Variants in ESR1 observed in about 807,000 individuals in gnomAD.
ESR1 encodes the protein estrogen receptor 1, also known as estrogen receptor.
Under a neutral mutation model 52.7 loss-of-function variants are expected in ESR1, and 12 were observed. The observed-to-expected ratio is 0.23, with a 90% CI of 0.15 to 0.37. The LOEUF is 0.37. ESR1 is among the 10% of genes least tolerant of loss of function. The pLI is 1.00. For synonymous variants in ESR1, 305 were observed against 316.8 expected, an observed-to-expected ratio of 0.96 and a Z score of 0.39; for missense variants, 584 against 779.7, an observed-to-expected ratio of 0.75 and a Z score of 2.99.
At chr6:151,928,019 C>T (rs532766245) in intron 3 of ESR1, among the ~76,000 whole-genome samples, 6 of 152,144 alleles carry the variant, frequency 3.9e-5, no homozygotes, top group South Asian at 4.2e-4. Context: ...CCACCGTGCC[C>T]GGCTTCTTTT....
Position 151,681,227 on chromosome 6 carries a change from A to C in ESR1, n.74-20648A>C, listed in dbSNP as rs146355230. 8.3e-3 allele frequency among the ~76,000 whole-genome samples: 1,260 copies of C among 152,262 alleles called. 8 individuals are homozygous for C. The highest frequency in any genetic ancestry group is 0.011 in the Non-Finnish European group (771 of 68,016). ...TTGCACATCCCTGTGAATGATTCTT[A>C]ATTATATTTCTGGCTGGCTCTGTGC... On this transcript the variant is annotated intron_variant and non_coding_transcript_variant, in intron 1 of 2. Coordinates refer to the ESR1 transcript ENST00000473497.
chr6:151,763,006 G>T (rs866601077), intron 2 of ESR1, among the ~76,000 whole-genome samples: 15 of 151,396 alleles, frequency 9.9e-5, no homozygotes, highest in African/African-American at 3.4e-4. Flanking sequence ...ATATAAAGAT[G>T]TAATTTTTAT....
At chr6:152,049,885 C>G (rs1489053913) in intron 5 of ESR1, among the ~76,000 whole-genome samples, 1 of 152,176 alleles carries the variant, frequency 6.6e-6, no homozygotes, top group Non-Finnish European at 1.5e-5. Flanking sequence ...CAAGGCAGGT[C>G]TCTGAAGGAG....
At chr6:151,890,622 C>T (rs751959803) in intron 3 of ESR1, among the ~76,000 whole-genome samples, 2 of 152,118 alleles carry the variant, frequency 1.3e-5, no homozygotes, top group Non-Finnish European at 2.9e-5. Context: ...GTCTATCTTC[C>T]CTTTCATATC....
chr6:151,870,251 A>C (rs562062439), intron 2 of ESR1, among the ~76,000 whole-genome samples: 1 of 152,076 alleles, frequency 6.6e-6, no homozygotes, highest in South Asian at 2.1e-4. Context: ...AAAGATTTGC[A>C]TATGCCATAA....
chr6:151,698,375 A>G (rs1323344076), intron 1 of ESR1, among the ~76,000 whole-genome samples: 1 of 151,548 alleles, frequency 6.6e-6, no homozygotes, highest in East Asian at 1.9e-4. Flanking sequence ...CTTGTCTTAA[A>G]AAAAAAAAAA....
At chr6:152,038,249 C>T (rs573378678) in intron 5 of ESR1, among the ~76,000 whole-genome samples, 2 of 152,328 alleles carry the variant, frequency 1.3e-5, no homozygotes, top group East Asian at 3.9e-4. Context: ...CGTTCCTCTG[C>T]CTGCTTTTAT....
At chr6:152,049,210 G>T (rs942203646) in intron 5 of ESR1, among the ~76,000 whole-genome samples, 2 of 152,188 alleles carry the variant, frequency 1.3e-5, no homozygotes, top group Admixed American at 1.3e-4. Context: ...AAACCCAGAA[G>T]TGTGTTTTAC....
chr6:151,798,214 G>A (rs1285060), intron 2 of ESR1, among the ~76,000 whole-genome samples: 2 of 152,110 alleles, frequency 1.3e-5, no homozygotes, highest in Non-Finnish European at 2.9e-5. Context: ...TCTGCTGTGG[G>A]TTTTGATTAG....
chr6:151,898,285 G>A (rs1795861832), intron 3 of ESR1, among the ~76,000 whole-genome samples: 1 of 150,834 alleles, frequency 6.6e-6, no homozygotes, highest in South Asian at 2.1e-4. Context: ...CCCCAGATAT[G>A]TTTTCCAAAC....
intron 4 of ESR1, among the ~76,000 whole-genome samples, chr6:151,998,153 T>C (rs1231725042): frequency 6.6e-6 from 1 of 152,194 alleles, no homozygotes; most frequent in Admixed American, 6.6e-5. Flanking sequence ...TGGCTTTAGA[T>C]TTTCTGTGTA....
intron 6 of ESR1, among the ~76,000 whole-genome samples, chr6:152,080,928 C>G (rs1308774854): frequency 6.6e-6 from 1 of 152,078 alleles, no homozygotes; most frequent in Non-Finnish European, 1.5e-5. Flanking sequence ...GCTAACTACC[C>G]TAAATATATA....
intron 3 of ESR1, among the ~76,000 whole-genome samples, chr6:151,909,730 C>T (rs538449372): frequency 6.6e-6 from 1 of 152,260 alleles, no homozygotes; most frequent in East Asian, 1.9e-4. Flanking sequence ...GGAACTTGGC[C>T]AACTGAGCCA....
intron 5 of ESR1, among the ~76,000 whole-genome samples, chr6:152,029,170 A>G (rs2044440203): frequency 6.6e-6 from 1 of 152,252 alleles, no homozygotes; most frequent in Non-Finnish European, 1.5e-5. Flanking sequence ...CCAAAGGTAG[A>G]TAAATCCACA....
At chr6:151,678,237 C>T (rs1375156804) in intron 1 of ESR1, among the ~76,000 whole-genome samples, 2 of 152,138 alleles carry the variant, frequency 1.3e-5, no homozygotes, top group African/African-American at 4.8e-5. Flanking sequence ...CTTTGGGAAG[C>T]TGAGGCAGGT....
At chr6:151,984,489 C>T (rs1323057530) in intron 4 of ESR1, among the ~76,000 whole-genome samples, 3 of 152,064 alleles carry the variant, frequency 2.0e-5, no homozygotes, top group Non-Finnish European at 2.9e-5. Flanking sequence ...TAATGGCACT[C>T]GTATGTACAA....
rs533293507 is a variant in ESR1, at chr6:152,113,442, C to G, written c.851-11824C>G. 2.6e-5 allele frequency among the ~76,000 whole-genome samples: 4 copies of G among 152,230 alleles called. No homozygotes were observed. In the South Asian group the frequency reaches 8.3e-4, roughly 32 times the overall value. On this transcript the variant is annotated intron_variant, in intron 6 of 6. Transcript: ENST00000427531. Reference sequence around the variant, plus strand: ...TCATCTGGGAGGGAGTCTTTCCATTCCCACTGGCTGAGTCCTCAGTTACCG... The same window carrying G: ...TCATCTGGGAGGGAGTCTTTCCATTGCCACTGGCTGAGTCCTCAGTTACCG...
At chr6:151,892,205 T>C (rs1794794891) in intron 3 of ESR1, among the ~76,000 whole-genome samples, 1 of 152,216 alleles carries the variant, frequency 6.6e-6, no homozygotes, top group East Asian at 1.9e-4. Flanking sequence ...AGCTGAAGTA[T>C]GTTTCAAATC....
intron 5 of ESR1, among the ~76,000 whole-genome samples, chr6:152,021,727 A>G (rs1173861874): frequency 6.6e-6 from 1 of 152,112 alleles, no homozygotes; most frequent in Non-Finnish European, 1.5e-5. Flanking sequence ...AGCCTCCCAT[A>G]CTTCCCACGT....
Sources: allele counts gnomAD v4.1 joint callset (sites outside exome capture counted in the v4.1 genomes callset), GRCh38; gene constraint gnomAD v4.1.1; transcripts MANE v1.5; gene names NCBI Gene and HGNC (gene_info 2026-07-23, HGNC 2026-07-21).